PIEZO2: variants seen among roughly 807,000 people sequenced by gnomAD.
The protein encoded by PIEZO2 is piezo-type mechanosensitive ion channel component 2.
In PIEZO2, 172 loss-of-function variants were observed where a neutral mutation model predicts 337.3. The observed-to-expected ratio is 0.51, with a 90% CI of 0.45 to 0.58. PIEZO2 has a LOEUF of 0.58. Among genes scored for constraint, PIEZO2 ranks in the 20% least tolerant of loss-of-function variants. PIEZO2 has a pLI of 0.00. For synonymous variants in PIEZO2, 1,251 were observed against 1,228.5 expected, an observed-to-expected ratio of 1.02 and a Z score of -0.38; for missense variants, 3,028 against 3,391.3, an observed-to-expected ratio of 0.89 and a Z score of 2.66.
chr18:10,736,267 A>G (rs1361260415), intron 34 of PIEZO2, among the ~76,000 whole-genome samples: 2 of 139,308 alleles, frequency 1.4e-5, no homozygotes, highest in African/African-American at 2.8e-5. Flanking sequence ...AAGCAATCCA[A>G]TGCAATGCCA....
At chr18:10,955,992 A>G (rs1331369140) in intron 3 of PIEZO2, among the ~76,000 whole-genome samples, 2 of 152,172 alleles carry the variant, frequency 1.3e-5, no homozygotes, top group African/African-American at 4.8e-5. Flanking sequence ...TAAATCTTTG[A>G]CATCCTTTCT....
intron 1 of PIEZO2, among the ~76,000 whole-genome samples, chr18:11,073,848 CT>C (rs71362202): frequency 1.8e-3 from 242 of 137,120 alleles, no homozygotes; most frequent in Admixed American, 5.1e-3. Context: ...ATAACAACTG[CT>C]TTTTTTTTTT....
chr18:11,082,411 G>A (rs781455083), intron 1 of PIEZO2, among the ~76,000 whole-genome samples: 8 of 151,252 alleles, frequency 5.3e-5, no homozygotes, highest in East Asian at 2.0e-4. Context: ...TCCACCTCCC[G>A]GGTTCATGCC....
In PIEZO2 at chr18:11,028,252, T is replaced by C. The variant is rs963515771; in HGVS notation, c.160+37875A>G. Among the ~76,000 whole-genome samples, 1 of 151,746 alleles carries C rather than the reference T, an allele frequency of 6.6e-6. No homozygotes were observed. The highest frequency in any genetic ancestry group is 1.5e-5 in the Non-Finnish European group (1 of 68,008). The stretch of plus-strand genomic sequence containing the variant: ...TCTTTTCTTTTCTTCTTCTTCTTCT[T>C]TATTTTTTATTATTTTTTTTTATTT... On this transcript the variant is annotated intron_variant, in intron 2 of 55. Coordinates refer to ENST00000674853, the MANE Select transcript of PIEZO2 (RefSeq NM_001378183.1). This position sits in a 1 kb window ranked among gnomAD's most constrained non-coding sequence, Gnocchi z 4.8.
rs1276498157 is a variant in PIEZO2, at chr18:11,027,580, G to A, written c.160+38547C>T. Among the ~76,000 whole-genome samples, 1 of 152,178 alleles carries A rather than the reference G, an allele frequency of 6.6e-6. No homozygotes were observed. Among genetic ancestry groups the A allele is most frequent in the Non-Finnish European group, 1.5e-5 (1 of 68,044 alleles). On this transcript the variant is annotated intron_variant, in intron 2 of 55. Coordinates refer to ENST00000674853, the MANE Select transcript of PIEZO2 (RefSeq NM_001378183.1). The surrounding 1 kb of genome is among the most constrained non-coding windows in gnomAD (Gnocchi z 4.2). ...CTTCACAATTCATCTGTATGCTTCT[G>A]TTTGGTTTTAACTGTAGAAAATTTA...
At position 10,784,979 on chromosome 18, in the gene PIEZO2, A is replaced by G; in HGVS notation, c.2319-22T>C. ...AAGCCTGCAAAACAAAACAAAATAA[A>G]AAGCAGGAACCTCTCTTACGCAATG... On this transcript the variant is annotated intron_variant, in intron 16 of 55. Coordinates refer to ENST00000674853, the MANE Select transcript of PIEZO2 (RefSeq NM_001378183.1). This position sits in a 1 kb window ranked among gnomAD's most constrained non-coding sequence, Gnocchi z 4.5. 6.6e-7 allele frequency: 1 copy of G among 1,523,970 alleles called. No homozygotes were observed. Among genetic ancestry groups the G allele is most frequent in the Non-Finnish European group, 8.8e-7 (1 of 1,141,190 alleles). The allele number at this position is 1,523,970 out of a possible 1,614,324, so 94.4% of individuals were successfully genotyped here.
rs1333735438 is a variant in PIEZO2, at chr18:10,952,793, A to C, written c.286+26742T>G. ...TTTCAAAGTGTCTATATAATTGTAC[A>C]TTCCCGCCAGAAATGTATTTGAATT... On this transcript the variant is annotated intron_variant, in intron 3 of 55. Coordinates refer to ENST00000674853, the MANE Select transcript of PIEZO2 (RefSeq NM_001378183.1). The surrounding 1 kb of genome is among the most constrained non-coding windows in gnomAD (Gnocchi z 4.1). 6.6e-6 allele frequency among the ~76,000 whole-genome samples: 1 copy of C among 152,180 alleles called. No individual in the cohort carries two copies. The highest frequency in any genetic ancestry group is 1.5e-5 in the Non-Finnish European group (1 of 68,032).
chr18:11,064,833 T>C (rs1397069396), intron 2 of PIEZO2, among the ~76,000 whole-genome samples: 2 of 152,208 alleles, frequency 1.3e-5, no homozygotes, highest in Non-Finnish European at 2.9e-5. Flanking sequence ...CGCACAACCT[T>C]CTTTCTTTGG....
chr18:10,937,995 G>A (rs867741376), intron 3 of PIEZO2, among the ~76,000 whole-genome samples: 14 of 152,218 alleles, frequency 9.2e-5, no homozygotes, highest in Non-Finnish European at 1.5e-5. Flanking sequence ...AATTACGCAG[G>A]TGACTTTCAA....
In PIEZO2 at chr18:10,943,880, T is replaced by G. The variant is rs934023238; in HGVS notation, c.287-32652A>C. Among the ~76,000 whole-genome samples the G allele has an allele frequency of 2.6e-5, 4 of 152,182 alleles. No homozygotes were observed. The highest frequency in any genetic ancestry group is 7.2e-5 in the African/African-American group (3 of 41,442). On this transcript the variant is annotated intron_variant, in intron 3 of 55. Transcript: ENST00000674853. The surrounding 1 kb of genome is among the most constrained non-coding windows in gnomAD (Gnocchi z 4.5). ...CCAGTGCTGTTCTCATGATAGTGAATGGGTCTCACGAGATCTGATGGCTTT... is the reference window on the plus strand; with the variant it reads ...CCAGTGCTGTTCTCATGATAGTGAAGGGGTCTCACGAGATCTGATGGCTTT...
Position 11,132,412 on chromosome 18 carries a change from A to G in PIEZO2, c.64+16113T>C, listed in dbSNP as rs1349379746. On this transcript the variant is annotated intron_variant, in intron 1 of 55. Transcript: ENST00000674853. This position sits in a 1 kb window ranked among gnomAD's most constrained non-coding sequence, Gnocchi z 4.7. ...GGTGGAATGGCCTTTTGAAGTCACA[A>G]TTACAATGCCAGCTAGGTAACAGTA... Among the ~76,000 whole-genome samples the G allele has an allele frequency of 6.6e-6, 1 of 152,170 alleles. No homozygotes were observed. Among genetic ancestry groups the G allele is most frequent in the Middle Eastern group, 3.2e-3 (1 of 316 alleles).
chr18:10,907,402 C>T (rs574433275), intron 4 of PIEZO2, among the ~76,000 whole-genome samples: 6 of 151,410 alleles, frequency 4.0e-5, no homozygotes, highest in South Asian at 4.2e-4. Flanking sequence ...GAGATCACGC[C>T]GCTGCATTCC....
chr18:11,005,583 G>A (rs943660372), intron 2 of PIEZO2, among the ~76,000 whole-genome samples: 1 of 151,946 alleles, frequency 6.6e-6, no homozygotes, highest in Non-Finnish European at 1.5e-5. Context: ...ATTAGCGACT[G>A]CTAATGTGCT....
chr18:10,984,501 G>A (rs375097850), intron 2 of PIEZO2, among the ~76,000 whole-genome samples: 1 of 151,978 alleles, frequency 6.6e-6, no homozygotes, highest in African/African-American at 2.4e-5. Context: ...TAACATCAAA[G>A]AACTCAAAGA....
At chr18:10,802,521 T>C (rs1240227419) in intron 9 of PIEZO2, among the ~76,000 whole-genome samples, 2 of 152,202 alleles carry the variant, frequency 1.3e-5, no homozygotes. Flanking sequence ...AGTGTCATTG[T>C]TTTATAATTT....
chr18:10,808,909 C>T (rs1380351761), intron 7 of PIEZO2, among the ~76,000 whole-genome samples: 9 of 152,214 alleles, frequency 5.9e-5, no homozygotes, highest in Non-Finnish European at 1.2e-4. Flanking sequence ...TTGCTCCACG[C>T]CTGGCACATA....
chr18:10,909,907 G>T (rs1384136209), intron 4 of PIEZO2, among the ~76,000 whole-genome samples: 1 of 152,216 alleles, frequency 6.6e-6, no homozygotes, highest in Non-Finnish European at 1.5e-5. Context: ...ACAGCAAACA[G>T]CGATGGTGCT....
At chr18:10,978,034 GA>G (rs1004207300) in intron 3 of PIEZO2, among the ~76,000 whole-genome samples, 75 of 152,204 alleles carry the variant, frequency 4.9e-4, no homozygotes, top group African/African-American at 1.4e-3. Context: ...AAAAACTGCT[GA>G]ACTGTGGCCA....
At chr18:10,751,094 T>G (rs1316490549) in intron 28 of PIEZO2, among the ~76,000 whole-genome samples, 1 of 152,244 alleles carries the variant, frequency 6.6e-6, no homozygotes, top group African/African-American at 2.4e-5. Context: ...ATCCTTTTGT[T>G]TCTCAAAAAT....
Sources: allele counts gnomAD v4.1 joint callset (sites outside exome capture counted in the v4.1 genomes callset), GRCh38; gene constraint gnomAD v4.1.1; non-coding constraint Gnocchi (gnomAD v3.1); transcripts MANE v1.5; gene names NCBI Gene and HGNC (gene_info 2026-07-23, HGNC 2026-07-21).